ISLR2: variants seen among roughly 807,000 people sequenced by gnomAD.
The protein encoded by ISLR2 is immunoglobulin superfamily containing leucine rich repeat 2.
Under a neutral mutation model 25.5 loss-of-function variants are expected in ISLR2, and 16 were observed. The observed-to-expected ratio is 0.63, with a 90% CI of 0.43 to 0.95. The LOEUF is 0.95. Ranked by LOEUF, ISLR2 falls within the 40% of genes least tolerant of loss-of-function variation. The probability of loss-of-function intolerance (pLI) is 0.00; values close to 1 mark genes in which losing one functional copy is unlikely to be tolerated. For synonymous variants in ISLR2, 508 were observed against 486.6 expected, an observed-to-expected ratio of 1.04 and a Z score of -0.58; for missense variants, 883 against 1,030.7, an observed-to-expected ratio of 0.86 and a Z score of 1.96.
intron 2 of ISLR2, among the ~76,000 whole-genome samples, chr15:74,106,878 C>G (rs2072124722): frequency 6.6e-6 from 1 of 152,152 alleles, no homozygotes; most frequent in South Asian, 2.1e-4. Flanking sequence ...CCCACCACAG[C>G]AGAGAGCCGA....
intron 2 of ISLR2, among the ~76,000 whole-genome samples, chr15:74,115,914 C>T (rs1454537093): frequency 6.9e-6 from 1 of 145,812 alleles, no homozygotes. Flanking sequence ...AAAAACAACA[C>T]AGGCTGGGTG....
chr15:74,112,463 G>A (rs533854262), intron 2 of ISLR2, among the ~76,000 whole-genome samples: 40 of 151,372 alleles, frequency 2.6e-4, no homozygotes, highest in African/African-American at 8.5e-4. Flanking sequence ...ATTCTTTAAC[G>A]TATGTATGTA....
downstream of ISLR2, among the ~76,000 whole-genome samples, chr15:74,140,684 C>T (rs1195171566): frequency 6.6e-6 from 1 of 152,162 alleles, no homozygotes; most frequent in Non-Finnish European, 1.5e-5. Context: ...CTAACAAATA[C>T]CTTTACCTTA....
intron 2 of ISLR2, among the ~76,000 whole-genome samples, chr15:74,110,027 C>T (rs879628389): frequency 2.0e-5 from 3 of 152,072 alleles, no homozygotes; most frequent in Non-Finnish European, 2.9e-5. Flanking sequence ...CTCCTTGGCT[C>T]GAGCAATTCA....
intron 2 of ISLR2, among the ~76,000 whole-genome samples, chr15:74,111,237 A>G (rs1381087625): frequency 6.6e-6 from 1 of 151,842 alleles, no homozygotes; most frequent in Non-Finnish European, 1.5e-5. Context: ...AAAAAAGCCA[A>G]TCTCAAAAGG....
Position 74,133,341 on chromosome 15 carries a change from C to T in ISLR2, c.587C>T (p.Ala196Val). 6.2e-7 allele frequency: 1 copy of T among 1,608,696 alleles called. No individual in the cohort carries two copies. Among genetic ancestry groups the T allele is most frequent in the Non-Finnish European group, 8.5e-7 (1 of 1,179,788 alleles). ...GCGLVWLQAW[A>V]ASTRVSLPEP... ...GGCCTTGTGTGGCTGCAGGCCTGGG[C>T]CGCGAGCACCCGGGTGTCCTTACCC... Residue 196 changes from alanine to valine, a missense_variant, in exon 3 of 3, where the codon GCC becomes GTC. This residue lies in a region of ISLR2 where 271 missense variants were observed against 387.9 expected (regional missense o/e 0.70). Coordinates refer to ENST00000453268, the MANE Select transcript of ISLR2 (RefSeq NM_020851.3).
downstream of ISLR2, among the ~76,000 whole-genome samples, chr15:74,141,412 C>T (rs1004113132): frequency 1.3e-5 from 2 of 152,082 alleles, no homozygotes; most frequent in Non-Finnish European, 2.9e-5. Context: ...ATATAAATTA[C>T]CGAGGAACTT....
intron 2 of ISLR2, among the ~76,000 whole-genome samples, chr15:74,112,533 T>TC (rs2072176246): frequency 6.6e-6 from 1 of 151,900 alleles, no homozygotes; most frequent in Non-Finnish European, 1.5e-5. Flanking sequence ...GGTCTGCTTT[T>TC]TTTTTTTTTT....
At chr15:74,108,024 A>G (rs1422719080) in intron 2 of ISLR2, among the ~76,000 whole-genome samples, 4 of 152,238 alleles carry the variant, frequency 2.6e-5, no homozygotes, top group Admixed American at 2.0e-4. Flanking sequence ...CTGCCCTCTT[A>G]GGAGAAAGCC....
At chr15:74,128,398 T>C (rs1348932032), upstream of ISLR2, 5 of 445,330 alleles carry the variant, frequency 1.1e-5, no homozygotes, top group Middle Eastern at 4.1e-4. Context: ...GGGAGTCAGC[T>C]CCCGCCCAGG....
chr15:74,109,957 G>A (rs2072153205), intron 2 of ISLR2, among the ~76,000 whole-genome samples: 1 of 152,092 alleles, frequency 6.6e-6, no homozygotes, highest in African/African-American at 2.4e-5. Flanking sequence ...ACCACGCCCG[G>A]ATGTTTTTTT....
At chr15:74,126,526 T>G (rs1339404380), upstream of ISLR2, 2 of 152,086 alleles carry the variant, frequency 1.3e-5, no homozygotes, top group Non-Finnish European at 2.9e-5. Flanking sequence ...TTTGTATTTT[T>G]AGCAGAGACG....
rs762781130 is a variant in ISLR2, at chr15:74,134,101, C to T, written c.1347C>T (p.Ile449=). The T allele has an allele frequency of 6.2e-7, 1 of 1,613,708 alleles. No homozygotes were observed. The highest frequency in any genetic ancestry group is 8.5e-7 in the Non-Finnish European group (1 of 1,179,870). ...TSEGEEAEDQ[I]LADPAEEQRC... is the part of the protein sequence containing the mutation. ...AGGGAGAGGAGGCCGAAGACCAGAT[C>T]CTCGCGGACCCGGCGGAGGAGCAGC... Residue 449 remains isoleucine, a synonymous_variant, in exon 3 of 3, where the codon ATC becomes ATT. Coordinates refer to ENST00000453268, the MANE Select transcript of ISLR2 (RefSeq NM_020851.3).
downstream of ISLR2, among the ~76,000 whole-genome samples, chr15:74,141,441 T>C (rs2072610389): frequency 6.6e-6 from 1 of 152,208 alleles, no homozygotes; most frequent in Non-Finnish European, 1.5e-5. Context: ...TTGATCATTG[T>C]CGAAATGGGG....
chr15:74,107,340 C>G (rs1217917375), intron 2 of ISLR2, among the ~76,000 whole-genome samples: 1 of 152,190 alleles, frequency 6.6e-6, no homozygotes, highest in Admixed American at 6.5e-5. Flanking sequence ...CAGAGAGTCC[C>G]CTCAGTCATG....
chr15:74,107,064 G>A (rs2072126512), intron 2 of ISLR2, among the ~76,000 whole-genome samples: 1 of 151,152 alleles, frequency 6.6e-6, no homozygotes, highest in African/African-American at 2.4e-5. Context: ...GAGGGACTGG[G>A]GGGAGCAAGC....
At chr15:74,102,927 C>T (rs1321796117) in intron 1 of ISLR2, among the ~76,000 whole-genome samples, 1 of 151,386 alleles carries the variant, frequency 6.6e-6, no homozygotes, top group Non-Finnish European at 1.5e-5. Flanking sequence ...CCTGCCTCAG[C>T]CTTCTGAGTA....
At chr15:74,122,600 T>G (rs1285330565) in intron 2 of ISLR2, among the ~76,000 whole-genome samples, 1 of 152,218 alleles carries the variant, frequency 6.6e-6, no homozygotes, top group East Asian at 1.9e-4. Context: ...CTTCTGGTTG[T>G]TTTTCGCTTG....
chr15:74,117,134 C>G (rs2072217146), intron 2 of ISLR2, among the ~76,000 whole-genome samples: 1 of 152,176 alleles, frequency 6.6e-6, no homozygotes. Flanking sequence ...GACCCTCAAA[C>G]AGTCTGGGTA....
Sources: allele counts gnomAD v4.1 joint callset (sites outside exome capture counted in the v4.1 genomes callset), GRCh38; gene constraint gnomAD v4.1.1; regional missense constraint gnomAD v4.1.1; transcripts MANE v1.5; gene names NCBI Gene and HGNC (gene_info 2026-07-23, HGNC 2026-07-21).